Variants in KIRREL3 observed in about 807,000 individuals in gnomAD.
The protein encoded by KIRREL3 is kirre like nephrin family adhesion molecule 3.
KIRREL3 carries 36 observed loss-of-function variants against 89.7 expected under a neutral mutation model. That is an observed-to-expected ratio of 0.40 (90% confidence interval 0.31 to 0.53). KIRREL3 has a LOEUF of 0.53. Ranked by LOEUF, KIRREL3 falls within the 20% of genes least tolerant of loss-of-function variation. KIRREL3 has a pLI of 0.49. For synonymous variants in KIRREL3, 445 were observed against 441.4 expected (o/e 1.01, Z -0.10); for missense variants, 864 against 1,056.6 (o/e 0.82, Z 2.53).
In KIRREL3 at chr11:126,728,815, C is replaced by T. The variant is rs145606544; in HGVS notation, c.56-165903G>A. The stretch of plus-strand genomic sequence containing the variant: ...GTGTTGGCTCCATGGCCTCTCTTCT[C>T]TCCTGCATTAATTCAAGTGAGGAAG... On this transcript the variant is annotated intron_variant, in intron 1 of 16. Transcript: ENST00000525144. Among the ~76,000 whole-genome samples, 219 of 152,346 alleles carry T rather than the reference C, an allele frequency of 1.4e-3. 3 individuals are homozygous for T. Among genetic ancestry groups the T allele is most frequent in the African/African-American group, 5.0e-3 (207 of 41,578 alleles).
intron 1 of KIRREL3, among the ~76,000 whole-genome samples, chr11:126,629,826 C>A (rs1943942894): frequency 6.6e-6 from 1 of 152,172 alleles, no homozygotes; most frequent in South Asian, 2.1e-4. Context: ...GCTCTCCTTC[C>A]TGGTTCTATG....
At chr11:126,665,735 C>A (rs1203291421) in intron 1 of KIRREL3, among the ~76,000 whole-genome samples, 1 of 152,146 alleles carries the variant, frequency 6.6e-6, no homozygotes, top group Non-Finnish European at 1.5e-5. Flanking sequence ...TTACTGCAGC[C>A]CAAATGGACT....
rs1000578436 is a variant in KIRREL3, at chr11:126,996,257, C to T, written c.55+4198G>A. ...CTTCTTCCTCTAGACAAGACGTCAT[C>T]CCACATGGGGTTCTGGTAGGAGGGA... On this transcript the variant is annotated intron_variant, in intron 1 of 16. Transcript: ENST00000525144. The surrounding 1 kb of genome is among the most constrained non-coding windows in gnomAD (Gnocchi z 4.7). 6.6e-6 allele frequency among the ~76,000 whole-genome samples: 1 copy of T among 152,244 alleles called. No homozygotes were observed. The highest frequency in any genetic ancestry group is 1.5e-5 in the Non-Finnish European group (1 of 68,046).
At position 126,903,189 on chromosome 11, in the gene KIRREL3, C is replaced by A. The variant is rs921551695; in HGVS notation, c.55+97266G>T. ...AATTATTATAGAAAAATGCTGGAAG[C>A]CTTGTAGTCATCTTTGCTATATTTA... On this transcript the variant is annotated intron_variant, in intron 1 of 16. Coordinates refer to ENST00000525144, the MANE Select transcript of KIRREL3 (RefSeq NM_032531.4). This position sits in a 1 kb window ranked among gnomAD's most constrained non-coding sequence, Gnocchi z 4.5. Among the ~76,000 whole-genome samples the A allele has an allele frequency of 6.6e-6, 1 of 152,072 alleles. No homozygotes were observed. The highest frequency in any genetic ancestry group is 1.5e-5 in the Non-Finnish European group (1 of 68,004).
chr11:126,517,201 T>C (rs963904766), intron 4 of KIRREL3, among the ~76,000 whole-genome samples: 2 of 150,292 alleles, frequency 1.3e-5, no homozygotes, highest in East Asian at 1.9e-4. Flanking sequence ...AACAATTCTA[T>C]GACATTGGTA....
chr11:126,631,897 T>A (rs1470504188), intron 1 of KIRREL3, among the ~76,000 whole-genome samples: 1 of 152,208 alleles, frequency 6.6e-6, no homozygotes, highest in Non-Finnish European at 1.5e-5. Flanking sequence ...ATTATGTACC[T>A]TGCCTCACTT....
At position 126,557,629 on chromosome 11, in the gene KIRREL3, C is replaced by A. The variant is rs997984720; in HGVS notation, c.133+5206G>T. 2.0e-5 allele frequency among the ~76,000 whole-genome samples: 3 copies of A among 152,164 alleles called. No individual in the cohort carries two copies. Among genetic ancestry groups the A allele is most frequent in the African/African-American group, 7.2e-5 (3 of 41,432 alleles). Reference sequence around the variant, plus strand: ...TTTCTATACGAGGAAACAGTAGAAGCTTTAGACTCATTTTTTTATTAGTGT... The same window carrying A: ...TTTCTATACGAGGAAACAGTAGAAGATTTAGACTCATTTTTTTATTAGTGT... On this transcript the variant is annotated intron_variant, in intron 2 of 16. Transcript: ENST00000525144. This position sits in a 1 kb window ranked among gnomAD's most constrained non-coding sequence, Gnocchi z 5.6.
rs1201670887 is a variant in KIRREL3, at chr11:126,627,713, G to C, written c.56-64801C>G. 6.6e-6 allele frequency among the ~76,000 whole-genome samples: 1 copy of C among 152,240 alleles called. No homozygotes were observed. Among genetic ancestry groups the C allele is most frequent in the Non-Finnish European group, 1.5e-5 (1 of 68,046 alleles). On this transcript the variant is annotated intron_variant, in intron 1 of 16. Coordinates refer to ENST00000525144, the MANE Select transcript of KIRREL3 (RefSeq NM_032531.4). This position sits in a 1 kb window ranked among gnomAD's most constrained non-coding sequence, Gnocchi z 5.0. ...TCATTAGCTCCAGAGAAGGGAGATG[G>C]CATTGGCGGCAGGAGGGAGGGAGAA...
intron 10 of KIRREL3, among the ~76,000 whole-genome samples, chr11:126,442,963 G>T (rs1161296734): frequency 6.6e-6 from 1 of 152,200 alleles, no homozygotes; most frequent in Non-Finnish European, 1.5e-5. Flanking sequence ...TTCAACCTTG[G>T]TCAGCGCCAG....
At position 126,521,586 on chromosome 11, in the gene KIRREL3, T is replaced by C; in HGVS notation, c.284-122A>G. 1 of 831,884 alleles carries C rather than the reference T, an allele frequency of 1.2e-6. No homozygotes were observed. Among genetic ancestry groups the C allele is most frequent in the Non-Finnish European group, 1.9e-6 (1 of 536,132 alleles). The allele number at this position is 831,884 out of a possible 1,614,324, so 51.5% of individuals were successfully genotyped here. A position where few individuals can be genotyped will look rare whatever the true frequency, so the allele number is the denominator to read the frequency against. ...CTACAAGGCTGGCAGAGCGGGTGAT[T>C]GCTCAGGGCTCTGATCTCAGTGCAA... On this transcript the variant is annotated intron_variant, in intron 3 of 16. Coordinates refer to ENST00000525144, the MANE Select transcript of KIRREL3 (RefSeq NM_032531.4). The surrounding 1 kb of genome is among the most constrained non-coding windows in gnomAD (Gnocchi z 4.1).
In KIRREL3 at chr11:126,917,886, G is replaced by T. The variant is rs898229325; in HGVS notation, c.55+82569C>A. Among the ~76,000 whole-genome samples, 1 of 152,170 alleles carries T rather than the reference G, an allele frequency of 6.6e-6. No homozygotes were observed. Among genetic ancestry groups the T allele is most frequent in the Non-Finnish European group, 1.5e-5 (1 of 68,038 alleles). ...TTCTGTTCCCTCCTCCACCCCAGTT[G>T]CACGCTTTGGTAATTGTTGAACTCG... On this transcript the variant is annotated intron_variant, in intron 1 of 16. Coordinates refer to ENST00000525144, the MANE Select transcript of KIRREL3 (RefSeq NM_032531.4). This position sits in a 1 kb window ranked among gnomAD's most constrained non-coding sequence, Gnocchi z 5.0.
intron 1 of KIRREL3, among the ~76,000 whole-genome samples, chr11:126,944,664 C>T (rs1490682047): frequency 6.6e-6 from 1 of 151,994 alleles, no homozygotes; most frequent in African/African-American, 2.4e-5. Context: ...AGTGAGGCTC[C>T]CCGCACCTCT....
chr11:126,580,953 A>G (rs975814320), intron 1 of KIRREL3, among the ~76,000 whole-genome samples: 9 of 151,404 alleles, frequency 5.9e-5, no homozygotes, highest in Non-Finnish European at 1.0e-4. Context: ...TCTTTTGTGC[A>G]GATCCACTGC....
rs192687861 is a variant in KIRREL3 at position 126,974,801 on chromosome 11, G to A, written c.55+25654C>T. Among the ~76,000 whole-genome samples the A allele has an allele frequency of 6.4e-4, 98 of 152,194 alleles. 1 individual carries two copies. The highest frequency in any genetic ancestry group is 2.3e-3 in the African/African-American group (94 of 41,518). On this transcript the variant is annotated intron_variant, in intron 1 of 16. Transcript: ENST00000525144. ...GTTCACCACAACTTCTGCTTCCCGG[G>A]CTCAAGTCTTCCTCCCACCTCAGCC...
In KIRREL3 at chr11:126,896,930, T is replaced by C. The variant is rs1338517507; in HGVS notation, c.55+103525A>G. Among the ~76,000 whole-genome samples the C allele has an allele frequency of 2.6e-5, 4 of 152,196 alleles. No individual in the cohort carries two copies. Among genetic ancestry groups the C allele is most frequent in the Non-Finnish European group, 5.9e-5 (4 of 68,028 alleles). ...ATTGCCATTTCTTTTGCTTGATATTTCTGGCTCCTTTCTTTTGTTACTCTA... is the reference window on the plus strand; with the variant it reads ...ATTGCCATTTCTTTTGCTTGATATTCCTGGCTCCTTTCTTTTGTTACTCTA... On this transcript the variant is annotated intron_variant, in intron 1 of 16. Coordinates refer to ENST00000525144, the MANE Select transcript of KIRREL3 (RefSeq NM_032531.4). This position sits in a 1 kb window ranked among gnomAD's most constrained non-coding sequence, Gnocchi z 4.1.
intron 1 of KIRREL3, among the ~76,000 whole-genome samples, chr11:126,626,110 C>A (rs1249473487): frequency 6.6e-6 from 1 of 152,128 alleles, no homozygotes; most frequent in Non-Finnish European, 1.5e-5. Context: ...GGGTATAGGG[C>A]AAATAAATTG....
Position 126,682,253 on chromosome 11 carries a change from C to G in KIRREL3, c.56-119341G>C, listed in dbSNP as rs1946491449. On this transcript the variant is annotated intron_variant, in intron 1 of 16. Coordinates refer to ENST00000525144, the MANE Select transcript of KIRREL3 (RefSeq NM_032531.4). The surrounding 1 kb of genome is among the most constrained non-coding windows in gnomAD (Gnocchi z 4.8). ...GCTGAAACACTTCTTAAATGTGTTC[C>G]CTCCTATGCATTCTGCTATGCATAG... The G allele has an allele frequency of 4.7e-6, 1 of 210,962 alleles. No homozygotes were observed. The highest frequency in any genetic ancestry group is 2.3e-5 in the African/African-American group (1 of 43,648). 13.1% of individuals were successfully genotyped at this position (210,962 alleles called of 1,614,324 possible).
intron 1 of KIRREL3, among the ~76,000 whole-genome samples, chr11:126,678,705 A>AT (rs1031128994): frequency 6.6e-6 from 1 of 151,852 alleles, no homozygotes; most frequent in African/African-American, 2.4e-5. Flanking sequence ...ATCTTACAGA[A>AT]TTAATTACAC....
intron 1 of KIRREL3, among the ~76,000 whole-genome samples, chr11:126,880,220 A>G (rs1481848682): frequency 2.0e-5 from 3 of 152,216 alleles, no homozygotes; most frequent in Non-Finnish European, 2.9e-5. Flanking sequence ...TACCTTCCCA[A>G]TATCAACCAC....
Sources: allele counts gnomAD v4.1 joint callset (sites outside exome capture counted in the v4.1 genomes callset), GRCh38; gene constraint gnomAD v4.1.1; non-coding constraint Gnocchi (gnomAD v3.1); transcripts MANE v1.5; gene names NCBI Gene and HGNC (gene_info 2026-07-23, HGNC 2026-07-21).